The following PIWIL2 variants were observed in gnomAD, a reference collection of about 807,000 sequenced individuals.
The protein encoded by PIWIL2 is piwi like RNA-mediated gene silencing 2.
PIWIL2 carries 81 observed loss-of-function variants against 116.5 expected under a neutral mutation model. The observed-to-expected ratio is 0.70, with a 90% CI of 0.58 to 0.84. The LOEUF is 0.84. Among genes scored for constraint, PIWIL2 ranks in the 40% least tolerant of loss-of-function variants. The pLI, the probability that PIWIL2 is intolerant of heterozygous loss-of-function variation, is 0.00. For missense variants in PIWIL2, 1,272 were observed against 1,212.3 expected, an observed-to-expected ratio of 1.05 and a Z score of -0.73; for synonymous variants, 489 against 429.5, an observed-to-expected ratio of 1.14 and a Z score of -1.71.
At chr8:22,292,704 T>G (rs972156868) in intron 10 of PIWIL2, among the ~76,000 whole-genome samples, 1 of 152,218 alleles carries the variant, frequency 6.6e-6, no homozygotes, top group Non-Finnish European at 1.5e-5. Flanking sequence ...GAGGTTGGCT[T>G]TATAGACAGA....
Position 22,296,020 on chromosome 8 carries a change from C to CTT in PIWIL2, c.1181+5711_1181+5712dup, listed in dbSNP as rs67357452. 3.5e-4 allele frequency among the ~76,000 whole-genome samples: 36 copies of CTT among 102,814 alleles called. 1 individual carries two copies. Among genetic ancestry groups the CTT allele is most frequent in the South Asian group, 9.0e-4 (3 of 3,336 alleles). 67.4% of individuals were successfully genotyped at this position (102,814 alleles called of 152,430 possible). A position where few individuals can be genotyped will look rare whatever the true frequency, so the allele number is the denominator to read the frequency against. On this transcript the variant is annotated intron_variant, in intron 10 of 22. Transcript: ENST00000356766. The stretch of plus-strand genomic sequence containing the variant: ...ACTGTCTTGGGGTTCCTCTTCCCTT[C>CTT]TTTTTTTTTTTTTTTTTTTTTTTTT...
intron 6 of PIWIL2, among the ~76,000 whole-genome samples, chr8:22,284,675 A>G (rs771097492): frequency 3.8e-4 from 49 of 130,336 alleles, no homozygotes; most frequent in Admixed American, 7.2e-4. Context: ...TCCATGCCCT[A>G]TGAAACCTGG....
At chr8:22,320,445 T>A (rs920682254) in intron 20 of PIWIL2, among the ~76,000 whole-genome samples, 10 of 151,480 alleles carry the variant, frequency 6.6e-5, no homozygotes, top group Admixed American at 5.9e-4. Flanking sequence ...TTTTTTTTTT[T>A]ATTTTTAGTA....
intron 19 of PIWIL2, 24 bp from the exon 20 acceptor site, chr8:22,318,146 T>C: frequency 2.1e-6 from 3 of 1,441,476 alleles, no homozygotes; most frequent in Non-Finnish European, 2.9e-6. Context: ...CCTTTCTCTG[T>C]CTCTCTGCTC....
rs145035391 is a variant in PIWIL2, at chr8:22,305,974, C to G, written c.1503C>G (p.Thr501=). 4.3e-6 allele frequency: 7 copies of G among 1,613,936 alleles called. No homozygotes were observed. In the African/African-American group the frequency reaches 5.3e-5, roughly 12 times the overall value. ...TGCTGCCTGAGCTTTCTTTTATGACCGGAATCCCAGAGAAGATGAAGAAGG... is the reference window on the plus strand; with the variant it reads ...TGCTGCCTGAGCTTTCTTTTATGACGGGAATCCCAGAGAAGATGAAGAAGG... The part of the protein sequence containing the change: ...ILLLPELSFM[T]GIPEKMKKDF... Residue 501 remains threonine, a synonymous_variant, in exon 13 of 23, where the codon ACC becomes ACG. Coordinates refer to ENST00000356766, the MANE Select transcript of PIWIL2 (RefSeq NM_018068.5).
At chr8:22,288,486 G>T in intron 7 of PIWIL2, 56 bp from the exon 8 acceptor site, 1 of 1,434,996 alleles carries the variant, frequency 7.0e-7, no homozygotes, top group Non-Finnish European at 9.7e-7. Context: ...ATTAGGACTT[G>T]GTCATTAGTT....
At chr8:22,300,679 A>C (rs915078068) in intron 10 of PIWIL2, among the ~76,000 whole-genome samples, 1 of 152,180 alleles carries the variant, frequency 6.6e-6, no homozygotes, top group African/African-American at 2.4e-5. Context: ...GTCAGTCTTA[A>C]TTTTAGAAAT....
At chr8:22,331,215 G>A (rs764017777) in intron 20 of PIWIL2, among the ~76,000 whole-genome samples, 4 of 152,104 alleles carry the variant, frequency 2.6e-5, no homozygotes, top group Non-Finnish European at 5.9e-5. Flanking sequence ...CTGACCTACA[G>A]AGGATTCAGA....
chr8:22,277,070 A>G (rs1830393882), intron 1 of PIWIL2, among the ~76,000 whole-genome samples: 1 of 151,336 alleles, frequency 6.6e-6, no homozygotes, highest in Non-Finnish European at 1.5e-5. Flanking sequence ...GCTGTCACCC[A>G]GGCTGGAGTG....
intron 20 of PIWIL2, among the ~76,000 whole-genome samples, chr8:22,347,434 G>T (rs1044642297): frequency 3.3e-5 from 5 of 151,056 alleles, no homozygotes; most frequent in African/African-American, 4.9e-5. Flanking sequence ...AGCCAGGATG[G>T]TCTCAATCTC....
At chr8:22,297,312 TTGAC>T (rs1325183462) in intron 10 of PIWIL2, among the ~76,000 whole-genome samples, 2 of 152,042 alleles carry the variant, frequency 1.3e-5, no homozygotes, top group Non-Finnish European at 2.9e-5. Context: ...GAGATGCAGT[TTGAC>T]TGTGTTGCCA....
intron 22 of PIWIL2, among the ~76,000 whole-genome samples, 153 bp from the exon 23 acceptor site, chr8:22,355,196 G>A (rs1459813125): frequency 6.6e-6 from 1 of 152,006 alleles, no homozygotes; most frequent in African/African-American, 2.4e-5. Context: ...TTTAAAAATA[G>A]TGATTCTAAA....
chr8:22,298,959 G>A (rs1001067579), intron 10 of PIWIL2, among the ~76,000 whole-genome samples: 4 of 152,136 alleles, frequency 2.6e-5, no homozygotes, highest in African/African-American at 9.7e-5. Context: ...GCAAAAGTGT[G>A]TTTGCTGAAT....
At chr8:22,313,195 A>G (rs1831374559) in intron 16 of PIWIL2, among the ~76,000 whole-genome samples, 1 of 152,264 alleles carries the variant, frequency 6.6e-6, no homozygotes, top group Middle Eastern at 3.4e-3. Flanking sequence ...CTGTCTGTTC[A>G]TCTTTAAGGC....
chr8:22,350,506 G>A (rs1832329405), intron 20 of PIWIL2, among the ~76,000 whole-genome samples: 1 of 152,070 alleles, frequency 6.6e-6, no homozygotes, highest in African/African-American at 2.4e-5. Context: ...TGAGTCAGGA[G>A]GGATGGCTTG....
intron 20 of PIWIL2, among the ~76,000 whole-genome samples, chr8:22,324,557 A>G (rs1831679850): frequency 6.6e-6 from 1 of 152,154 alleles, no homozygotes; most frequent in African/African-American, 2.4e-5. Flanking sequence ...GTTTTGCCAG[A>G]TGGAATGAAG....
chr8:22,317,817 G>T (rs993349229), intron 19 of PIWIL2, among the ~76,000 whole-genome samples: 3 of 151,816 alleles, frequency 2.0e-5, no homozygotes, highest in African/African-American at 7.3e-5. Flanking sequence ...CCGCCACCAC[G>T]CCCGGCTAAT....
At chr8:22,329,595 TGCTCCTATAATC>T (rs1374919358) in intron 20 of PIWIL2, among the ~76,000 whole-genome samples, 2 of 152,260 alleles carry the variant, frequency 1.3e-5, no homozygotes, top group Non-Finnish European at 2.9e-5. Context: ...CTGAGGGATC[TGCTCCTATAATC>T]GAAACACCTC....
At chr8:22,312,969 C>G (rs962972167) in intron 16 of PIWIL2, among the ~76,000 whole-genome samples, 1 of 152,252 alleles carries the variant, frequency 6.6e-6, no homozygotes, top group South Asian at 2.1e-4. Context: ...CCATCCTGAT[C>G]TACCATGCCT....
Sources: gnomAD v4.1 joint callset for allele counts (sites outside exome capture counted in the v4.1 genomes callset) on GRCh38, gnomAD v4.1.1 for gene constraint, MANE v1.5 for transcripts, NCBI Gene and HGNC (gene_info 2026-07-23, HGNC 2026-07-21) for gene names.